The following VPS54 variants were observed in gnomAD, a reference collection of about 807,000 sequenced individuals.
The protein encoded by VPS54 is vacuolar protein sorting-associated protein 54.
VPS54 carries 45 observed loss-of-function variants against 121.5 expected under a neutral mutation model. That is an observed-to-expected ratio of 0.37 (90% confidence interval 0.29 to 0.47). The LOEUF (loss-of-function observed/expected upper bound fraction) is 0.47. Ranked by LOEUF, VPS54 falls within the 20% of genes least tolerant of loss-of-function variation. The pLI, the probability that VPS54 is intolerant of heterozygous loss-of-function variation, is 0.99. For synonymous variants in VPS54, 371 were observed against 385.8 expected (o/e 0.96, Z 0.45); for missense variants, 1,090 against 1,131.4 (o/e 0.96, Z 0.52).
intron 1 of VPS54, among the ~76,000 whole-genome samples, chr2:63,989,535 G>A (rs911666057): frequency 1.3e-5 from 2 of 152,220 alleles, no homozygotes; most frequent in Admixed American, 6.5e-5. Flanking sequence ...TCGGGAACTG[G>A]TTCCCCCGAT....
chr2:63,959,167 A>G (rs1675636729), intron 7 of VPS54, among the ~76,000 whole-genome samples: 1 of 152,218 alleles, frequency 6.6e-6, no homozygotes, highest in South Asian at 2.1e-4. Context: ...TAAGAAAGTA[A>G]CTAATGCTGA....
intron 1 of VPS54, among the ~76,000 whole-genome samples, chr2:63,992,546 A>G (rs1414827129): frequency 1.3e-5 from 2 of 152,230 alleles, no homozygotes; most frequent in Non-Finnish European, 2.9e-5. Flanking sequence ...GAAATCTGAC[A>G]CACCCATTTG....
chr2:64,005,747 C>T lies in VPS54; in HGVS notation c.-21+13191G>A, dbSNP rs187150226. On this transcript the variant is annotated intron_variant, in intron 1 of 22. Transcript: ENST00000272322. ...TAGGGTTGGGGAAGGAGAAGACAAA[C>T]TCACCCCGGTTGAGAACCACTGAGT... Among the ~76,000 whole-genome samples the T allele has an allele frequency of 2.4e-4, 37 of 152,276 alleles. 1 individual carries two copies. The East Asian group carries it at 6.7e-3, about 28-fold the overall frequency.
chr2:64,001,097 G>A (rs1677852233), intron 1 of VPS54, among the ~76,000 whole-genome samples: 2 of 152,282 alleles, frequency 1.3e-5, no homozygotes, highest in South Asian at 4.1e-4. Flanking sequence ...ATGAGACACG[G>A]TCATTCCCAC....
intron 5 of VPS54, 75 bp downstream of exon 5, chr2:63,968,882 A>G (rs1016341235): frequency 2.2e-6 from 3 of 1,359,824 alleles, no homozygotes; most frequent in African/African-American, 1.5e-5. Flanking sequence ...AAAAAAGCCA[A>G]ATGAAATCTG....
At chr2:63,907,226 A>G (rs950623494) in intron 20 of VPS54, among the ~76,000 whole-genome samples, 8 of 152,218 alleles carry the variant, frequency 5.3e-5, no homozygotes, top group Admixed American at 6.5e-5. Context: ...TGGGTTATAC[A>G]AAGATTTCTT....
At chr2:63,980,703 T>A (rs1044890869) in intron 3 of VPS54, among the ~76,000 whole-genome samples, 9 of 152,118 alleles carry the variant, frequency 5.9e-5, no homozygotes, top group African/African-American at 1.9e-4. Flanking sequence ...TTTAGAAGAC[T>A]ACCTGACACA....
chr2:63,947,780 C>A (rs1675051019), intron 8 of VPS54, among the ~76,000 whole-genome samples: 1 of 152,066 alleles, frequency 6.6e-6, no homozygotes, highest in South Asian at 2.1e-4. Flanking sequence ...TAAAAAATAT[C>A]CTTCTCACAC....
chr2:63,966,550 C>T (rs11683408), intron 5 of VPS54, among the ~76,000 whole-genome samples: 14,549 of 152,206 alleles, frequency 0.096, 788 homozygotes, highest in Middle Eastern at 0.16. Context: ...CCACAGCATT[C>T]AGTAGTTCAG....
intron 20 of VPS54, among the ~76,000 whole-genome samples, chr2:63,907,495 G>A (rs1672953176): frequency 1.4e-5 from 2 of 146,516 alleles, no homozygotes; most frequent in South Asian, 2.1e-4. Context: ...TCCAGCCTGG[G>A]CAACAAGAGA....
chr2:63,940,804 T>C (rs918174628), intron 11 of VPS54, among the ~76,000 whole-genome samples: 5 of 152,218 alleles, frequency 3.3e-5, no homozygotes, highest in South Asian at 2.1e-4. Flanking sequence ...CATGCAATAA[T>C]TGAAGTGTGT....
chr2:63,951,570 G>C (rs916075129), intron 7 of VPS54, among the ~76,000 whole-genome samples: 2 of 152,078 alleles, frequency 1.3e-5, no homozygotes, highest in African/African-American at 4.8e-5. Flanking sequence ...ACCACAGTTA[G>C]TTTTCTGCAG....
chr2:63,969,666 G>A (rs2104579991), intron 4 of VPS54, among the ~76,000 whole-genome samples: 1 of 152,146 alleles, frequency 6.6e-6, no homozygotes, highest in Non-Finnish European at 1.5e-5. Context: ...GAAATAAAGT[G>A]CATAATAAAG....
At chr2:63,911,069 G>A (rs1015453616) in intron 20 of VPS54, among the ~76,000 whole-genome samples, 1 of 128,554 alleles carries the variant, frequency 7.8e-6, no homozygotes. Context: ...ATTCTCCACT[G>A]TTAGCTGTTT....
chr2:63,956,990 C>G (rs914226316), intron 7 of VPS54, among the ~76,000 whole-genome samples: 3 of 152,076 alleles, frequency 2.0e-5, no homozygotes, highest in South Asian at 4.2e-4. Context: ...CTTGGGCTCA[C>G]GAGACTTATG....
intron 18 of VPS54, 50 bp from the exon 19 acceptor site, chr2:63,912,711 G>T (rs1278372714): frequency 2.0e-6 from 3 of 1,518,284 alleles, no homozygotes; most frequent in Non-Finnish European, 2.6e-6. Context: ...AAAAAAAAAG[G>T]TATTAGTTGA....
At chr2:63,946,912 A>C (rs1358982839) in intron 9 of VPS54, among the ~76,000 whole-genome samples, 1 of 152,098 alleles carries the variant, frequency 6.6e-6, no homozygotes, top group African/African-American at 2.4e-5. Flanking sequence ...CAGTCTAAGA[A>C]CAAACATTCT....
At chr2:64,000,326 C>G (rs60350159) in intron 1 of VPS54, among the ~76,000 whole-genome samples, 11,052 of 152,254 alleles carry the variant, frequency 0.073, 846 homozygotes, top group African/African-American at 0.19. Context: ...TGAGTTTTCT[C>G]AACACAGCTG....
chr2:64,013,145 T>C (rs918147639), intron 1 of VPS54, among the ~76,000 whole-genome samples: 1 of 152,208 alleles, frequency 6.6e-6, no homozygotes, highest in Non-Finnish European at 1.5e-5. Context: ...ATCTGTCAGT[T>C]CACCTTTACC....
Sources: gnomAD v4.1 joint callset for allele counts (sites outside exome capture counted in the v4.1 genomes callset) on GRCh38, gnomAD v4.1.1 for gene constraint, MANE v1.5 for transcripts, NCBI Gene and HGNC (gene_info 2026-07-23, HGNC 2026-07-21) for gene names.